The following FAF1 variants were observed in gnomAD, a reference collection of about 807,000 sequenced individuals.
FAF1 encodes FAS-associated factor 1.
A neutral mutation model predicts 92.5 loss-of-function variants in FAF1; 25 were observed. The ratio of observed to expected loss-of-function variants is 0.27; its 90% CI spans 0.20 to 0.38. FAF1 has a LOEUF of 0.38. Ranked by LOEUF, FAF1 falls within the 10% of genes least tolerant of loss-of-function variation. The pLI is 1.00. For missense variants in FAF1, 636 were observed against 793.3 expected (o/e 0.80, Z 2.38); for synonymous variants, 234 against 273.2 (o/e 0.86, Z 1.42).
At chr1:50,505,069 G>C (rs1478936830) in intron 15 of FAF1, among the ~76,000 whole-genome samples, 1 of 152,156 alleles carries the variant, frequency 6.6e-6, no homozygotes, top group East Asian at 1.9e-4. Flanking sequence ...AGAATATTTT[G>C]ATTAAGGTAA....
chr1:50,697,018 T>C (rs1440126465), intron 7 of FAF1, among the ~76,000 whole-genome samples: 2 of 152,236 alleles, frequency 1.3e-5, no homozygotes, highest in Non-Finnish European at 2.9e-5. Context: ...CCTGTATCAA[T>C]CAATTTGGAC....
intron 8 of FAF1, among the ~76,000 whole-genome samples, chr1:50,607,896 C>T (rs984915903): frequency 6.6e-6 from 1 of 152,190 alleles, no homozygotes; most frequent in Non-Finnish European, 1.5e-5. Flanking sequence ...GCAGGGCAGG[C>T]GAGTCCCAAA....
intron 7 of FAF1, among the ~76,000 whole-genome samples, chr1:50,686,213 T>C (rs747862261): frequency 2.6e-5 from 4 of 152,148 alleles, no homozygotes; most frequent in Non-Finnish European, 4.4e-5. Flanking sequence ...TGCCATCTAA[T>C]AGTCAGAAAC....
At chr1:50,923,388 T>A (rs1644980794) in intron 1 of FAF1, among the ~76,000 whole-genome samples, 1 of 152,102 alleles carries the variant, frequency 6.6e-6, no homozygotes, top group Non-Finnish European at 1.5e-5. Flanking sequence ...CATTCCAGCC[T>A]GGGTGACAGG....
chr1:50,916,025 T>C (rs147964170), intron 1 of FAF1, among the ~76,000 whole-genome samples: 1 of 152,218 alleles, frequency 6.6e-6, no homozygotes, highest in Non-Finnish European at 1.5e-5. Flanking sequence ...CTCTGTTTGA[T>C]AATTCCAGCC....
chr1:50,848,905 GAA>G (rs993720861), intron 2 of FAF1, among the ~76,000 whole-genome samples: 4 of 152,186 alleles, frequency 2.6e-5, no homozygotes, highest in African/African-American at 4.8e-5. Flanking sequence ...TCTTGAACCA[GAA>G]AAAGCACACT....
chr1:50,912,597 C>G (rs548280837), intron 1 of FAF1, among the ~76,000 whole-genome samples: 2 of 152,158 alleles, frequency 1.3e-5, no homozygotes, highest in African/African-American at 2.4e-5. Context: ...TTATCACAAC[C>G]TACACAGATG....
chr1:50,812,520 G>A (rs1643926133), intron 2 of FAF1, among the ~76,000 whole-genome samples: 1 of 151,968 alleles, frequency 6.6e-6, no homozygotes, highest in African/African-American at 2.4e-5. Flanking sequence ...AAAACCACAA[G>A]AGAAACCATC....
At chr1:50,442,633 C>A (rs1488693938) in intron 18 of FAF1, among the ~76,000 whole-genome samples, 1 of 152,114 alleles carries the variant, frequency 6.6e-6, no homozygotes. Flanking sequence ...CTGACTGCAG[C>A]ACCTGAGGCA....
chr1:50,941,334 C>T (rs971426574), intron 1 of FAF1, among the ~76,000 whole-genome samples: 4 of 152,026 alleles, frequency 2.6e-5, no homozygotes, highest in South Asian at 2.1e-4. Flanking sequence ...CTCAGCCTCC[C>T]GAGTAGCTGA....
chr1:50,539,660 TC>T lies in FAF1; in HGVS notation c.1336del (p.Asp446IlefsTer7). The T allele has an allele frequency of 6.2e-7, 1 of 1,612,714 alleles. No individual in the cohort carries two copies. Among genetic ancestry groups the T allele is most frequent in the Non-Finnish European group, 8.5e-7 (1 of 1,178,984 alleles). On this transcript the variant is annotated frameshift_variant, in exon 14 of 19. Transcript: ENST00000396153. LOFTEE classifies it high-confidence loss of function. ...AATAATCAGGAAAAGCGGAAACTGA[TC>T]CGTTTTTTGAGTCCGAATGGTTTGT... ...VAQTIRTQKT[D>X]QFPLFLIIMG... is the part of the protein sequence containing the mutation.
chr1:50,585,876 T>C lies in FAF1; in HGVS notation c.841-1065A>G, dbSNP rs999635879. Among the ~76,000 whole-genome samples the C allele has an allele frequency of 2.2e-4, 27 of 124,332 alleles. No homozygotes were observed. The South Asian group carries it at 6.0e-3, about 28-fold the overall frequency. The allele number at this position is 124,332 out of a possible 152,430, so 81.6% of individuals were successfully genotyped here. ...GGGCATCATGGCCAGATCTCATCTC[T>C]ACATAAAAAAAAAAAAAAAAAAAAA... is the stretch of plus-strand genomic sequence containing the variant. On this transcript the variant is annotated intron_variant, in intron 9 of 18. Coordinates refer to ENST00000396153, the MANE Select transcript of FAF1 (RefSeq NM_007051.3).
chr1:50,601,543 A>G (rs1433734595), intron 8 of FAF1, among the ~76,000 whole-genome samples: 1 of 152,052 alleles, frequency 6.6e-6, no homozygotes, highest in Admixed American at 6.5e-5. Context: ...CTAGCTCGGC[A>G]TGGTGGCGGG....
At chr1:50,450,125 CAG>C (rs1646277351) in intron 18 of FAF1, among the ~76,000 whole-genome samples, 1 of 147,070 alleles carries the variant, frequency 6.8e-6, no homozygotes, top group South Asian at 2.1e-4. Context: ...ACCTGGGAGG[CAG>C]AGATTGCAGT....
chr1:50,651,505 C>G (rs868625215), intron 8 of FAF1, among the ~76,000 whole-genome samples: 3 of 152,122 alleles, frequency 2.0e-5, no homozygotes, highest in Non-Finnish European at 4.4e-5. Context: ...TAAAGCCACA[C>G]AAATTTCTTC....
At chr1:50,846,527 G>A (rs761814250) in intron 2 of FAF1, 21 of 499,050 alleles carry the variant, frequency 4.2e-5, no homozygotes, top group Non-Finnish European at 7.1e-5. Context: ...GACTGCTGCT[G>A]CTTTGAAACA....
intron 1 of FAF1, among the ~76,000 whole-genome samples, chr1:50,925,486 A>ACAAAGTAGT (rs1644998500): frequency 6.6e-6 from 1 of 152,126 alleles, no homozygotes; most frequent in Admixed American, 6.5e-5. Context: ...TCCCACTACT[A>ACAAAGTAGT]CAAAGTGGGT....
intron 1 of FAF1, among the ~76,000 whole-genome samples, chr1:50,905,502 C>T (rs1385679734): frequency 6.6e-6 from 1 of 152,222 alleles, no homozygotes; most frequent in Non-Finnish European, 1.5e-5. Context: ...GTCCCACCAA[C>T]AGTGTAAAAG....
intron 4 of FAF1, among the ~76,000 whole-genome samples, chr1:50,762,444 A>G (rs1660366406): frequency 6.6e-6 from 1 of 151,544 alleles, no homozygotes; most frequent in South Asian, 2.1e-4. Flanking sequence ...AAACTATACT[A>G]CAAGGCTACA....
Sources: allele counts gnomAD v4.1 joint callset (sites outside exome capture counted in the v4.1 genomes callset), GRCh38; gene constraint gnomAD v4.1.1; transcripts MANE v1.5; gene names NCBI Gene and HGNC (gene_info 2026-07-23, HGNC 2026-07-21).